Variants in KCNN3 observed in about 807,000 individuals in gnomAD.
KCNN3 encodes small conductance calcium-activated potassium channel protein 3.
KCNN3 carries 16 observed loss-of-function variants against 62.9 expected under a neutral mutation model. That is an observed-to-expected ratio of 0.25 (90% confidence interval 0.17 to 0.39). The LOEUF is 0.39. Ranked by LOEUF, KCNN3 falls within the 10% of genes least tolerant of loss-of-function variation. The pLI, the probability that KCNN3 is intolerant of heterozygous loss-of-function variation, is 1.00. For missense variants in KCNN3, 599 were observed against 949.4 expected (o/e 0.63, Z 4.85); for synonymous variants, 370 against 389.2 (o/e 0.95, Z 0.58).
intron 1 of KCNN3, among the ~76,000 whole-genome samples, chr1:154,863,733 C>G (rs779149009): frequency 2.6e-5 from 4 of 152,176 alleles, no homozygotes; most frequent in Non-Finnish European, 5.9e-5. Context: ...AAGAGAAATA[C>G]GAGGCATCAG....
intron 2 of KCNN3, among the ~76,000 whole-genome samples, chr1:154,776,131 TG>T (rs1173941987): frequency 5.3e-5 from 8 of 151,908 alleles, no homozygotes; most frequent in Non-Finnish European, 8.8e-5. Flanking sequence ...GCAGGGAAGG[TG>T]GGGGCCACAT....
At chr1:154,842,752 T>C (rs1024417012) in intron 1 of KCNN3, among the ~76,000 whole-genome samples, 3 of 151,848 alleles carry the variant, frequency 2.0e-5, no homozygotes, top group African/African-American at 7.2e-5. Flanking sequence ...CACTACACTG[T>C]GCTCACCATC....
chr1:154,698,333 C>T lies in KCNN3; in HGVS notation c.*9643G>A. On this transcript the variant is annotated 3_prime_UTR_variant, in exon 8 of 8. Transcript: ENST00000271915. ...CCTACTCACAATTCCACAAATGTGCCTGCAGCTGTGAGGACAGCTGGAGAG... is the reference window on the plus strand; with the variant it reads ...CCTACTCACAATTCCACAAATGTGCTTGCAGCTGTGAGGACAGCTGGAGAG... 1 of 152,186 alleles carries T rather than the reference C, an allele frequency of 6.6e-6. No homozygotes were observed. The allele number at this position is 152,186 out of a possible 1,614,324, so 9.4% of individuals were successfully genotyped here.
chr1:154,785,708 G>A (rs1027588092), intron 2 of KCNN3, among the ~76,000 whole-genome samples: 2 of 147,768 alleles, frequency 1.4e-5, no homozygotes, highest in East Asian at 4.1e-4. Flanking sequence ...TCAGCCTCCC[G>A]AGTAGCTGGG....
At chr1:154,781,032 G>A (rs529445773) in intron 2 of KCNN3, among the ~76,000 whole-genome samples, 2 of 152,300 alleles carry the variant, frequency 1.3e-5, no homozygotes, top group South Asian at 2.1e-4. Context: ...CATGTGTGAT[G>A]TCCCACAGTG....
chr1:154,851,073 G>C (rs561292067), intron 1 of KCNN3, among the ~76,000 whole-genome samples: 8 of 152,308 alleles, frequency 5.3e-5, no homozygotes, highest in Middle Eastern at 3.4e-3. Flanking sequence ...CGCCTTCCCG[G>C]GTTCAAGCGA....
chr1:154,826,708 C>T (rs1176954987), intron 1 of KCNN3, among the ~76,000 whole-genome samples: 1 of 152,226 alleles, frequency 6.6e-6, no homozygotes, highest in Non-Finnish European at 1.5e-5. Flanking sequence ...GAGCCAGCCA[C>T]ATAAATTGCT....
Position 154,870,007 on chromosome 1 carries a change from CA to C in KCNN3, c.-44del. ...TTCCCTGCAGCACAAGCCCCCACCC[CA>C]AAGCCACCCTCGCTCCAAAGATGTC... is the stretch of plus-strand genomic sequence containing the variant. On this transcript the variant is annotated 5_prime_UTR_variant, in exon 1 of 8. Transcript: ENST00000271915. 1 of 1,592,790 alleles carries C rather than the reference CA, an allele frequency of 6.3e-7. No homozygotes were observed. Among genetic ancestry groups the C allele is most frequent in the Non-Finnish European group, 8.6e-7 (1 of 1,167,170 alleles).
chr1:154,823,722 G>C (rs1426522144), intron 1 of KCNN3, among the ~76,000 whole-genome samples: 3 of 152,318 alleles, frequency 2.0e-5, no homozygotes, highest in East Asian at 3.9e-4. Context: ...ACCTACAGTA[G>C]AGCTAGGGGA....
At chr1:154,813,657 G>A (rs981688146) in intron 2 of KCNN3, among the ~76,000 whole-genome samples, 1 of 152,180 alleles carries the variant, frequency 6.6e-6, no homozygotes, top group Admixed American at 6.5e-5. Flanking sequence ...CCAGCTGACG[G>A]GGAGGTCAAG....
Position 154,822,126 on chromosome 1 carries a change from A to G in KCNN3, c.992T>C (p.Leu331Ser). Reference protein sequence around the residue: ...CLISLSTIILLGLIIAYHTRE... With the variant: ...CLISLSTIILSGLIIAYHTRE... The stretch of plus-strand genomic sequence containing the variant: ...TGTGTGGTAGGCGATGATCAAGCCC[A>G]AAAGGATGATGGTGGACAGACTGAT... Residue 331 changes from leucine to serine, a missense_variant, in exon 2 of 8, where the codon TTG becomes TCG. By Grantham distance (145) the Leu-to-Ser change is moderately radical. Transcript: ENST00000271915. The G allele has an allele frequency of 1.2e-6, 2 of 1,614,110 alleles. No homozygotes were observed. The highest frequency in any genetic ancestry group is 1.7e-6 in the Non-Finnish European group (2 of 1,179,940).
chr1:154,713,562 C>T (rs1252843798), intron 6 of KCNN3, 29 bp from the exon 7 acceptor site: 1 of 1,589,466 alleles, frequency 6.3e-7, no homozygotes, highest in Admixed American at 1.7e-5. Flanking sequence ...ACAGGCAAGC[C>T]CTTCAAGTCC....
intron 7 of KCNN3, among the ~76,000 whole-genome samples, 154 bp downstream of exon 7, chr1:154,713,310 C>A (rs898165364): frequency 1.3e-5 from 2 of 152,180 alleles, no homozygotes; most frequent in African/African-American, 2.4e-5. Context: ...ATGAAACAAA[C>A]TTGAGCCTAG....
intron 2 of KCNN3, among the ~76,000 whole-genome samples, chr1:154,801,778 T>C (rs1302297433): frequency 1.3e-5 from 2 of 151,982 alleles, no homozygotes; most frequent in Non-Finnish European, 1.5e-5. Context: ...TGGAAGAGCT[T>C]GAAGAGCTGA....
rs564552105 is a variant in KCNN3, at chr1:154,857,440, C to A, written c.933+11592G>T. On this transcript the variant is annotated intron_variant, in intron 1 of 7. Transcript: ENST00000271915. ...CATCCTCCTCCCCTCCTCCCTCTAC[C>A]CTTACCCCACTCCATGAGCACAAAA... Among the ~76,000 whole-genome samples the A allele has an allele frequency of 4.1e-4, 63 of 151,990 alleles. 1 individual carries two copies. The highest frequency in any genetic ancestry group is 1.5e-3 in the African/African-American group (62 of 41,444).
intron 3 of KCNN3, among the ~76,000 whole-genome samples, chr1:154,748,933 C>G (rs1246198820): frequency 6.6e-6 from 1 of 152,170 alleles, no homozygotes; most frequent in East Asian, 1.9e-4. Context: ...AATTGAGTGG[C>G]AGGGCCCGAG....
intron 1 of KCNN3, among the ~76,000 whole-genome samples, chr1:154,826,348 A>G (rs1295769184): frequency 6.6e-6 from 1 of 152,202 alleles, no homozygotes; most frequent in Non-Finnish European, 1.5e-5. Flanking sequence ...CATTGATGAC[A>G]ATAATCTGTA....
chr1:154,808,587 C>T (rs541069011), intron 2 of KCNN3, among the ~76,000 whole-genome samples: 7 of 152,256 alleles, frequency 4.6e-5, no homozygotes, highest in Middle Eastern at 3.4e-3. Flanking sequence ...GCTGTCCCCA[C>T]GGTGCCTGGC....
chr1:154,738,462 G>A (rs945034941), intron 3 of KCNN3, among the ~76,000 whole-genome samples: 1 of 152,212 alleles, frequency 6.6e-6, no homozygotes, highest in African/African-American at 2.4e-5. Flanking sequence ...GTTGTCACGG[G>A]TTTGCCTCCC....
Sources: gnomAD v4.1 joint callset for allele counts (sites outside exome capture counted in the v4.1 genomes callset) on GRCh38, gnomAD v4.1.1 for gene constraint, MANE v1.5 for transcripts, NCBI Gene and HGNC (gene_info 2026-07-23, HGNC 2026-07-21) for gene names.